The following FRZB variants were observed in gnomAD, a reference collection of about 807,000 sequenced individuals.
FRZB encodes secreted frizzled-related protein 3.
Under a neutral mutation model 32.5 loss-of-function variants are expected in FRZB, and 34 were observed. The observed-to-expected ratio is 1.05, with a 90% CI of 0.80 to 1.39. FRZB has a LOEUF of 1.39. Ranked by LOEUF, FRZB falls within the 40% of genes most tolerant of loss-of-function variation. The pLI is 0.00. For missense variants in FRZB, 423 were observed against 424.8 expected, an observed-to-expected ratio of 1.00 and a Z score of 0.04; for synonymous variants, 170 against 159.2, an observed-to-expected ratio of 1.07 and a Z score of -0.51.
rs141591347 is a variant in FRZB at position 182,842,462 on chromosome 2, A to G, written c.592+16T>C. The G allele has an allele frequency of 2.7e-4, 438 of 1,595,468 alleles. No homozygotes were observed. Among genetic ancestry groups the G allele is most frequent in the Non-Finnish European group, 3.7e-4 (425 of 1,163,232 alleles). On this transcript the variant is annotated intron_variant, in intron 3 of 5. Coordinates refer to ENST00000295113, the MANE Select transcript of FRZB (RefSeq NM_001463.4). ...TAACACAGCAGTTTATACATCAACC[A>G]TGAAATTTTCCTTACCATAGTTGTA...
At chr2:182,848,256 A>G (rs1695669016) in intron 2 of FRZB, among the ~76,000 whole-genome samples, 1 of 152,188 alleles carries the variant, frequency 6.6e-6, no homozygotes, top group Admixed American at 6.5e-5. Flanking sequence ...CAAGCAGGTT[A>G]GTAAAGTGAA....
chr2:182,858,748 A>T, intron 2 of FRZB, 38 bp downstream of exon 2: 1 of 1,522,168 alleles, frequency 6.6e-7, no homozygotes. Context: ...GACTAATCTG[A>T]CCACAAATGA....
At chr2:182,842,368 G>T in intron 3 of FRZB, 110 bp downstream of exon 3, 1 of 783,630 alleles carries the variant, frequency 1.3e-6, no homozygotes, top group Non-Finnish European at 2.2e-6. Context: ...CTGTTTTTAA[G>T]CCTTATTCTT....
chr2:182,865,424 T>C (rs747338541), intron 1 of FRZB, among the ~76,000 whole-genome samples: 46 of 152,200 alleles, frequency 3.0e-4, no homozygotes, highest in Non-Finnish European at 4.0e-4. Context: ...CACAATTGTT[T>C]CATTCTGGAA....
At chr2:182,838,363 T>G (rs754475317) in intron 4 of FRZB, 46 bp downstream of exon 4, 3 of 1,468,934 alleles carry the variant, frequency 2.0e-6, no homozygotes, top group South Asian at 2.3e-5. Flanking sequence ...TTAATGAGAG[T>G]AGGATAAGCA....
chr2:182,857,141 G>C (rs887443064), intron 2 of FRZB, among the ~76,000 whole-genome samples: 9 of 151,652 alleles, frequency 5.9e-5, no homozygotes, highest in African/African-American at 2.2e-4. Context: ...AAATAGCAAA[G>C]ATAATAGGAA....
rs1454683826 is a variant in FRZB at position 182,834,639 on chromosome 2, TAA to T, written c.*208_*209del. 4 of 567,716 alleles carry T rather than the reference TAA, an allele frequency of 7.0e-6. No homozygotes were observed. The highest frequency in any genetic ancestry group is 1.3e-5 in the Non-Finnish European group (4 of 316,744). 35.2% of individuals were successfully genotyped at this position (567,716 alleles called of 1,614,324 possible). A position where few individuals can be genotyped will look rare whatever the true frequency, so the allele number is the denominator to read the frequency against. On this transcript the variant is annotated 3_prime_UTR_variant, in exon 6 of 6. Transcript: ENST00000295113. The stretch of plus-strand genomic sequence containing the variant: ...TGAAATAGAAAACTCACAATATACT[TAA>T]GAGTCTGCCCCCAAACCATTACAAA...
At chr2:182,840,484 A>C (rs913366871) in intron 3 of FRZB, among the ~76,000 whole-genome samples, 1 of 152,096 alleles carries the variant, frequency 6.6e-6, no homozygotes, top group Non-Finnish European at 1.5e-5. Flanking sequence ...TTTGGTTAAC[A>C]CTTAAGGAGT....
At chr2:182,860,864 CAAA>C (rs796422085) in intron 1 of FRZB, among the ~76,000 whole-genome samples, 1 of 69,144 alleles carries the variant, frequency 1.4e-5, no homozygotes. Context: ...GAGACTGTCT[CAAA>C]AAAAAAAAAA....
At chr2:182,850,427 T>A (rs1695697624) in intron 2 of FRZB, among the ~76,000 whole-genome samples, 1 of 152,144 alleles carries the variant, frequency 6.6e-6, no homozygotes, top group African/African-American at 2.4e-5. Flanking sequence ...TCCAGCTCCA[T>A]GAGATTCACT....
intron 1 of FRZB, among the ~76,000 whole-genome samples, chr2:182,860,586 C>T (rs1324783430): frequency 6.6e-6 from 1 of 152,002 alleles, no homozygotes; most frequent in East Asian, 1.9e-4. Context: ...CTGCTTCCCA[C>T]AGCCAGGTAT....
rs924743977 is a variant in FRZB at position 182,865,978 on chromosome 2, G to A, written c.478+97C>T. Reference sequence around the variant, plus strand: ...AGTTATGGGAGAGATTAAGTGATCCGAAGAGAAAAAAATTAGAGAGTAAAG... The same window carrying A: ...AGTTATGGGAGAGATTAAGTGATCCAAAGAGAAAAAAATTAGAGAGTAAAG... On this transcript the variant is annotated intron_variant, in intron 1 of 5. Coordinates refer to ENST00000295113, the MANE Select transcript of FRZB (RefSeq NM_001463.4). 31 of 922,922 alleles carry A rather than the reference G, an allele frequency of 3.4e-5. 1 individual carries two copies. Among genetic ancestry groups the A allele is most frequent in the Non-Finnish European group, 4.5e-5 (27 of 599,424 alleles). 57.2% of individuals were successfully genotyped at this position (922,922 alleles called of 1,614,324 possible). A position where few individuals can be genotyped will look rare whatever the true frequency, so the allele number is the denominator to read the frequency against.
rs1695486296 is a variant in FRZB at position 182,833,315 on chromosome 2, T to C, written c.*1534A>G. The C allele has an allele frequency of 6.6e-6, 1 of 152,190 alleles. No individual in the cohort carries two copies. The highest frequency in any genetic ancestry group is 1.5e-5 in the Non-Finnish European group (1 of 68,032). The allele number at this position is 152,190 out of a possible 1,614,324, so 9.4% of individuals were successfully genotyped here. A position where few individuals can be genotyped will look rare whatever the true frequency, so the allele number is the denominator to read the frequency against. Reference sequence around the variant, plus strand: ...CATTTTATTTTCAGCACGCCACAGCTTAGAAATTTGGTTCTACTAATAGCA... The same window carrying C: ...CATTTTATTTTCAGCACGCCACAGCCTAGAAATTTGGTTCTACTAATAGCA... On this transcript the variant is annotated 3_prime_UTR_variant, in exon 6 of 6. Coordinates refer to ENST00000295113, the MANE Select transcript of FRZB (RefSeq NM_001463.4).
chr2:182,864,565 T>C (rs1382448134), intron 1 of FRZB, among the ~76,000 whole-genome samples: 1 of 152,210 alleles, frequency 6.6e-6, no homozygotes, highest in Non-Finnish European at 1.5e-5. Flanking sequence ...AAGAAGACAA[T>C]AGGTATATTC....
At chr2:182,861,917 C>T (rs1695835044) in intron 1 of FRZB, among the ~76,000 whole-genome samples, 1 of 152,224 alleles carries the variant, frequency 6.6e-6, no homozygotes, top group African/African-American at 2.4e-5. Context: ...ATACTACTAA[C>T]ATAACACTGA....
intron 1 of FRZB, among the ~76,000 whole-genome samples, chr2:182,860,699 T>C (rs1695821748): frequency 6.6e-6 from 1 of 151,994 alleles, no homozygotes; most frequent in African/African-American, 2.4e-5. Flanking sequence ...AAAACCCATC[T>C]CTAACAGAAA....
intron 5 of FRZB, among the ~76,000 whole-genome samples, chr2:182,836,563 A>G (rs1176734812): frequency 6.6e-6 from 1 of 152,082 alleles, no homozygotes; most frequent in African/African-American, 2.4e-5. Flanking sequence ...CAAACAAGCC[A>G]TGTGTCCTGT....
intron 1 of FRZB, 68 bp from the exon 2 acceptor site, chr2:182,858,901 T>C: frequency 1.5e-6 from 2 of 1,309,102 alleles, no homozygotes; most frequent in Non-Finnish European, 2.2e-6. Context: ...GATAAAAATC[T>C]AACTCAGTCA....
chr2:182,866,026 A>T lies in FRZB; in HGVS notation c.478+49T>A. On this transcript the variant is annotated intron_variant, in intron 1 of 5. Coordinates refer to ENST00000295113, the MANE Select transcript of FRZB (RefSeq NM_001463.4). The surrounding 1 kb of genome is among the most constrained non-coding windows in gnomAD (Gnocchi z 4.5). The stretch of plus-strand genomic sequence containing the variant: ...AAGGCTAGTAACAAGGACTCCAAGA[A>T]TTGAGGAGGCTGTAGGGTAAGGGAA... 1 of 1,448,206 alleles carries T rather than the reference A, an allele frequency of 6.9e-7. No homozygotes were observed. Among genetic ancestry groups the T allele is most frequent in the Non-Finnish European group, 9.5e-7 (1 of 1,049,076 alleles). 89.7% of individuals were successfully genotyped at this position (1,448,206 alleles called of 1,614,324 possible).
Sources: allele counts gnomAD v4.1 joint callset (sites outside exome capture counted in the v4.1 genomes callset), GRCh38; gene constraint gnomAD v4.1.1; non-coding constraint Gnocchi (gnomAD v3.1); transcripts MANE v1.5; gene names NCBI Gene and HGNC (gene_info 2026-07-23, HGNC 2026-07-21).